Variants in CCDC177 observed in about 807,000 individuals in gnomAD.
The protein encoded by CCDC177 is coiled-coil domain containing 177, also known as coiled-coil domain-containing protein 177.
In CCDC177, 2 loss-of-function variants were observed where a neutral mutation model predicts 7.3. That is an observed-to-expected ratio of 0.28 (90% CI 0.11 to 0.87). The LOEUF (loss-of-function observed/expected upper bound fraction) is 0.87, where lower values mean the gene tolerates loss of function less well. CCDC177 is among the 40% of genes least tolerant of loss of function. The pLI, the probability that CCDC177 is intolerant of heterozygous loss-of-function variation, is 0.61. For synonymous variants in CCDC177, 401 were observed against 449.2 expected (o/e 0.89, Z 1.36); for missense variants, 874 against 970.5 (o/e 0.90, Z 1.32).
At position 69,569,963 on chromosome 14, in the gene CCDC177, T is replaced by C. The variant is rs1376731463; in HGVS notation, c.*1536A>G. ...TGAAGGCAGAGTCAATGGGTGGATATGGCCGTGGGGCAATTTCAGCTTAAT... is the reference window on the plus strand; with the variant it reads ...TGAAGGCAGAGTCAATGGGTGGATACGGCCGTGGGGCAATTTCAGCTTAAT... On this transcript the variant is annotated 3_prime_UTR_variant, in exon 2 of 2. Coordinates refer to ENST00000599174, the MANE Select transcript of CCDC177 (RefSeq NM_001271507.2). 6.6e-6 allele frequency: 1 copy of C among 152,158 alleles called. No homozygotes were observed. The highest frequency in any genetic ancestry group is 2.4e-5 in the African/African-American group (1 of 41,442). The allele number at this position is 152,158 out of a possible 1,614,324, so 9.4% of individuals were successfully genotyped here. A position where few individuals can be genotyped will look rare whatever the true frequency, so the allele number is the denominator to read the frequency against.
Position 69,573,654 on chromosome 14 carries a change from C to T in CCDC177, c.-28-4G>A. ...GCCCCGTCCTTTGTTGGAATCTCTG[C>T]AGATCACAAGGAGGGACATCGAGGA... On this transcript the variant is annotated splice_polypyrimidine_tract_variant and splice_region_variant and intron_variant, in intron 1 of 1. Transcript: ENST00000599174. 1.6e-6 allele frequency: 2 copies of T among 1,231,802 alleles called. No individual in the cohort carries two copies. The highest frequency in any genetic ancestry group is 2.0e-6 in the Non-Finnish European group (2 of 987,992). The allele number at this position is 1,231,802 out of a possible 1,614,324, so 76.3% of individuals were successfully genotyped here. A position where few individuals can be genotyped will look rare whatever the true frequency, so the allele number is the denominator to read the frequency against.
Position 69,573,401 on chromosome 14 carries a change from G to T in CCDC177, c.222C>A (p.Leu74=). ...GRREQSPLLH[L]DLFNFDCPEA... ...CTGGGCAGTCGAAGTTGAAGAGGTC[G>T]AGGTGCAGCAGCGGGGACTGCTCCC... The change falls in exon 2 of 2, where the codon CTC becomes CTA. Residue 74 remains leucine (L), a synonymous_variant. Transcript: ENST00000599174. 1 of 1,231,438 alleles carries T rather than the reference G, an allele frequency of 8.1e-7. No homozygotes were observed. The highest frequency in any genetic ancestry group is 1.0e-6 in the Non-Finnish European group (1 of 987,772). The allele number at this position is 1,231,438 out of a possible 1,614,324, so 76.3% of individuals were successfully genotyped here. A position where few individuals can be genotyped will look rare whatever the true frequency, so the allele number is the denominator to read the frequency against.
rs1300690767 is a variant in CCDC177 at position 69,572,315 on chromosome 14, G to A, written c.1308C>T (p.Gly436=). The change falls in exon 2 of 2, where the codon GGC becomes GGT. Residue 436 remains glycine, a synonymous_variant. Transcript: ENST00000599174. The part of the protein sequence containing the change: ...ERRRELAERQ[G]LLRRERAERA... ...GCTCCGCCCGCTCCCGCCGCAGGAGGCCCTGGCGTTCGGCCAGCTCCCGCC... is the reference window on the plus strand; with the variant it reads ...GCTCCGCCCGCTCCCGCCGCAGGAGACCCTGGCGTTCGGCCAGCTCCCGCC... The A allele has an allele frequency of 8.1e-7, 1 of 1,227,510 alleles. No individual in the cohort carries two copies. Among genetic ancestry groups the A allele is most frequent in the African/African-American group, 1.6e-5 (1 of 64,250 alleles). The allele number at this position is 1,227,510 out of a possible 1,614,324, so 76.0% of individuals were successfully genotyped here.
In CCDC177 at chr14:69,571,998, T is replaced by C; in HGVS notation, c.1625A>G (p.Gln542Arg). 2 of 1,231,588 alleles carry C rather than the reference T, an allele frequency of 1.6e-6. No individual in the cohort carries two copies. The highest frequency in any genetic ancestry group is 3.2e-5 in the East Asian group (1 of 31,662). The allele number at this position is 1,231,588 out of a possible 1,614,324, so 76.3% of individuals were successfully genotyped here. ...SSLEASLGRA[Q>R]ENYEHLVEQR... ...CTCCACCAAATGCTCGTAGTTCTCCTGCGCACGGCCCAAACTGGCTTCCAG... is the reference window on the plus strand; with the variant it reads ...CTCCACCAAATGCTCGTAGTTCTCCCGCGCACGGCCCAAACTGGCTTCCAG... The change falls in exon 2 of 2, where the codon CAG becomes CGG. Residue 542 changes from glutamine (Q) to arginine (R), a missense_variant. Physicochemically the swap from Gln to Arg is conservative, Grantham distance 43. Coordinates refer to ENST00000599174, the MANE Select transcript of CCDC177 (RefSeq NM_001271507.2).
chr14:69,574,446 T>A (rs934997299), intron 1 of CCDC177, 96 bp downstream of exon 1: 3 of 152,248 alleles, frequency 2.0e-5, no homozygotes, highest in African/African-American at 7.2e-5. Flanking sequence ...GCCCTCCGAG[T>A]TCCCCCACAG....
In CCDC177 at chr14:69,572,761, C is replaced by T. The variant is rs1884357858; in HGVS notation, c.862G>A (p.Gly288Ser). 6.5e-6 allele frequency: 8 copies of T among 1,231,556 alleles called. No individual in the cohort carries two copies. The East Asian group carries it at 2.5e-4, about 39-fold the overall frequency. The allele number at this position is 1,231,556 out of a possible 1,614,324, so 76.3% of individuals were successfully genotyped here. The change falls in exon 2 of 2, where the codon GGC becomes AGC. Residue 288 changes from glycine to serine, a missense_variant. Coordinates refer to ENST00000599174, the MANE Select transcript of CCDC177 (RefSeq NM_001271507.2). ...GSASSTTNAP[G>S]RPSALTLVPI... ...ACCAGGGTCAGGGCAGACGGGCGGC[C>T]CGGAGCGTTGGTGGTGGAGGACGCC...
In CCDC177 at chr14:69,570,619, C is replaced by T. The variant is rs973904790; in HGVS notation, c.*880G>A. On this transcript the variant is annotated 3_prime_UTR_variant, in exon 2 of 2. Transcript: ENST00000599174. ...TAGGCAGGAACAGCCTGGGCAGGCA[C>T]GTAAGGTAGCTCTGCTTCTTAAGGC... is the stretch of plus-strand genomic sequence containing the variant. 5.5e-6 allele frequency: 2 copies of T among 362,096 alleles called. No individual in the cohort carries two copies. The highest frequency in any genetic ancestry group is 7.3e-5 in the East Asian group (1 of 13,746). The allele number at this position is 362,096 out of a possible 1,614,324, so 22.4% of individuals were successfully genotyped here. A position where few individuals can be genotyped will look rare whatever the true frequency, so the allele number is the denominator to read the frequency against.
chr14:69,571,787 C>A lies in CCDC177; in HGVS notation c.1836G>T (p.Arg612=). 3.2e-6 allele frequency: 4 copies of A among 1,231,616 alleles called. No homozygotes were observed. The highest frequency in any genetic ancestry group is 2.0e-6 in the Non-Finnish European group (2 of 987,900). 76.3% of individuals were successfully genotyped at this position (1,231,616 alleles called of 1,614,324 possible). A position where few individuals can be genotyped will look rare whatever the true frequency, so the allele number is the denominator to read the frequency against. The change falls in exon 2 of 2, where the codon CGG becomes CGT. Residue 612 remains arginine, a synonymous_variant. Transcript: ENST00000599174. ...VAEEAVQQKA[R]RVGQSRLEKE... Reference sequence around the variant, plus strand: ...TCTCCAGCCGGCTCTGGCCCACGCGCCGCGCCTTCTGCTGCACTGCTTCCT... The same window carrying A: ...TCTCCAGCCGGCTCTGGCCCACGCGACGCGCCTTCTGCTGCACTGCTTCCT...
Position 69,573,361 on chromosome 14 carries a change from G to C in CCDC177, c.262C>G (p.Arg88Gly). The C allele has an allele frequency of 1.6e-6, 2 of 1,231,360 alleles. No homozygotes were observed. Among genetic ancestry groups the C allele is most frequent in the Non-Finnish European group, 2.0e-6 (2 of 987,704 alleles). 76.3% of individuals were successfully genotyped at this position (1,231,360 alleles called of 1,614,324 possible). The change falls in exon 2 of 2, where the codon CGC becomes GGC. Residue 88 changes from arginine (R) to glycine (G), a missense_variant. By Grantham distance (125) the Arg-to-Gly change is moderately radical. Transcript: ENST00000599174. ...NFDCPEAEGS[R>G]YVLTSPRSLE... The stretch of plus-strand genomic sequence containing the variant: ...GAGCGGGGGCTGGTCAGCACGTAGC[G>C]GCTGCCCTCCGCCTCTGGGCAGTCG...
Position 69,573,020 on chromosome 14 carries a change from C to A in CCDC177, c.603G>T (p.Ala201=), listed in dbSNP as rs1334766549. The A allele has an allele frequency of 1.1e-5, 13 of 1,229,196 alleles. No individual in the cohort carries two copies. Among genetic ancestry groups the A allele is most frequent in the Non-Finnish European group, 1.3e-5 (13 of 986,788 alleles). 76.1% of individuals were successfully genotyped at this position (1,229,196 alleles called of 1,614,324 possible). Reference sequence around the variant, plus strand: ...GGGAAGCCTTGCGGGCCGCACGCGGCGCGGGCGAGGCCGGGAGGCTGGCGC... The same window carrying A: ...GGGAAGCCTTGCGGGCCGCACGCGGAGCGGGCGAGGCCGGGAGGCTGGCGC... The part of the protein sequence containing the change: ...CSSASLPASP[A]PRAARKASPS... The change falls in exon 2 of 2, where the codon GCG becomes GCT. Residue 201 remains alanine, a synonymous_variant. Coordinates refer to ENST00000599174, the MANE Select transcript of CCDC177 (RefSeq NM_001271507.2).
In CCDC177 at chr14:69,572,867, C is replaced by A. The variant is rs1467749819; in HGVS notation, c.756G>T (p.Ser252=). The change falls in exon 2 of 2, where the codon TCG becomes TCT. Residue 252 remains serine, a synonymous_variant. Transcript: ENST00000599174. The part of the protein sequence containing the change: ...GALSSESGAS[S]SSYSGESLRE... ...TCAAGCTTTCCCCACTGTAGGATGA[C>A]GACGATGCGCCCGACTCGGAGCTGA... The A allele has an allele frequency of 1.6e-6, 2 of 1,230,956 alleles. No homozygotes were observed. The highest frequency in any genetic ancestry group is 4.1e-5 in the South Asian group (1 of 24,314). 76.3% of individuals were successfully genotyped at this position (1,230,956 alleles called of 1,614,324 possible).
Position 69,571,514 on chromosome 14 carries a change from G to A in CCDC177, c.2109C>T (p.Ser703=). Residue 703 remains serine (S), a synonymous_variant, in exon 2 of 2, where the codon AGC becomes AGT. Transcript: ENST00000599174. ...AGAGCCGCAGTTATTTGCGGTCCAG[G>A]CTGGCGTGTAGCTGGGCCTCCCGCA... ...RMVREAQLHA[S]LDRK 1 of 1,245,334 alleles carries A rather than the reference G, an allele frequency of 8.0e-7. No individual in the cohort carries two copies. The highest frequency in any genetic ancestry group is 1.0e-6 in the Non-Finnish European group (1 of 994,924). 77.1% of individuals were successfully genotyped at this position (1,245,334 alleles called of 1,614,324 possible).
In CCDC177 at chr14:69,571,666, G is replaced by A; in HGVS notation, c.1957C>T (p.Arg653Cys). ...LLQAIGRKLE[R>C]SEQLTRERRS... is the part of the protein sequence containing the mutation. ...CGTTCCCGCGTCAGCTGCTCGCTGC[G>A]CTCCAGCTTGCGCCCGATGGCCTGG... The change falls in exon 2 of 2, where the codon CGC (arginine) becomes TGC (cysteine). Residue 653 changes from arginine (R) to cysteine (C), a missense_variant. Arg to Cys is a radical substitution (Grantham distance 180). Transcript: ENST00000599174. 3 of 1,232,082 alleles carry A rather than the reference G, an allele frequency of 2.4e-6. No homozygotes were observed. The highest frequency in any genetic ancestry group is 2.0e-6 in the Non-Finnish European group (2 of 988,250). The allele number at this position is 1,232,082 out of a possible 1,614,324, so 76.3% of individuals were successfully genotyped here. A position where few individuals can be genotyped will look rare whatever the true frequency, so the allele number is the denominator to read the frequency against.
rs1297445011 is a variant in CCDC177, at chr14:69,572,591, G to T, written c.1032C>A (p.Leu344=). The T allele has an allele frequency of 8.1e-7, 1 of 1,231,108 alleles. No homozygotes were observed. Among genetic ancestry groups the T allele is most frequent in the African/African-American group, 1.6e-5 (1 of 64,406 alleles). The allele number at this position is 1,231,108 out of a possible 1,614,324, so 76.3% of individuals were successfully genotyped here. Residue 344 remains leucine (L), a synonymous_variant, in exon 2 of 2, where the codon CTC becomes CTA. Transcript: ENST00000599174. ...GCTCCTCCTGGTGCCGCGCCAGCAT[G>T]AGCGCCGCGATCTTCCGGTCACGCT... ...VPERDRKIAA[L]MLARHQEELL...
In CCDC177 at chr14:69,572,997, G is replaced by C; in HGVS notation, c.626C>G (p.Ser209Cys). Residue 209 changes from serine (S) to cysteine (C), a missense_variant, in exon 2 of 2, where the codon TCC becomes TGC. Ser to Cys is a moderately radical substitution (Grantham distance 112, BLOSUM62 -1). Coordinates refer to ENST00000599174, the MANE Select transcript of CCDC177 (RefSeq NM_001271507.2). Reference sequence around the variant, plus strand: ...GGTCCGGGCGGAGGAGGGACTAGGGGAAGCCTTGCGGGCCGCACGCGGCGC... The same window carrying C: ...GGTCCGGGCGGAGGAGGGACTAGGGCAAGCCTTGCGGGCCGCACGCGGCGC... The part of the protein sequence containing the change: ...SPAPRAARKA[S>C]PSPSSARTQP... The C allele has an allele frequency of 8.1e-7, 1 of 1,230,702 alleles. No individual in the cohort carries two copies. Among genetic ancestry groups the C allele is most frequent in the African/African-American group, 1.6e-5 (1 of 64,446 alleles). The allele number at this position is 1,230,702 out of a possible 1,614,324, so 76.2% of individuals were successfully genotyped here.
Position 69,570,998 on chromosome 14 carries a change from T to C in CCDC177, c.*501A>G. The C allele has an allele frequency of 2.2e-6, 1 of 460,620 alleles. No homozygotes were observed. Among genetic ancestry groups the C allele is most frequent in the Non-Finnish European group, 4.4e-6 (1 of 229,028 alleles). The allele number at this position is 460,620 out of a possible 1,614,324, so 28.5% of individuals were successfully genotyped here. A position where few individuals can be genotyped will look rare whatever the true frequency, so the allele number is the denominator to read the frequency against. On this transcript the variant is annotated 3_prime_UTR_variant, in exon 2 of 2. Coordinates refer to ENST00000599174, the MANE Select transcript of CCDC177 (RefSeq NM_001271507.2). ...TGACACCTTGGAGGAGCTGTGTTTCTCTGGGAGGCCTCCGCGATTTGTGCA... is the reference window on the plus strand; with the variant it reads ...TGACACCTTGGAGGAGCTGTGTTTCCCTGGGAGGCCTCCGCGATTTGTGCA...
In CCDC177 at chr14:69,572,107, G is replaced by A. The variant is rs1009416803; in HGVS notation, c.1516C>T (p.Arg506Trp). The A allele has an allele frequency of 9.5e-5, 117 of 1,231,128 alleles. No homozygotes were observed. In the East Asian group the frequency reaches 3.5e-3, roughly 37 times the overall value. 76.3% of individuals were successfully genotyped at this position (1,231,128 alleles called of 1,614,324 possible). Residue 506 changes from arginine to tryptophan, a missense_variant, in exon 2 of 2, where the codon CGG (arginine) becomes TGG (tryptophan). Physicochemically the swap from Arg to Trp is moderately radical, Grantham distance 101. Coordinates refer to ENST00000599174, the MANE Select transcript of CCDC177 (RefSeq NM_001271507.2). ...QLQREKRELS[R>W]AERARHEALL... ...GCCTCGTGGCGCGCCCGCTCGGCCC[G>A]GCTCAGCTCCCGCTTCTCCCGCTGC...
At position 69,571,978 on chromosome 14, in the gene CCDC177, C is replaced by T. The variant is rs902622490; in HGVS notation, c.1645G>A (p.Val549Met). Residue 549 changes from valine (V) to methionine (M), a missense_variant, in exon 2 of 2, where the codon GTG becomes ATG. Physicochemically the swap from Val to Met is conservative, Grantham distance 21. Transcript: ENST00000599174. ...GRAQENYEHLVEQRTRELRER... is the reference protein window; with the variant it reads ...GRAQENYEHLMEQRTRELRER... ...CGCAGCTCCCGGGTGCGCTGCTCCA[C>T]CAAATGCTCGTAGTTCTCCTGCGCA... The T allele has an allele frequency of 2.4e-6, 3 of 1,231,666 alleles. No homozygotes were observed. In the African/African-American group the frequency reaches 4.7e-5, roughly 19 times the overall value. The allele number at this position is 1,231,666 out of a possible 1,614,324, so 76.3% of individuals were successfully genotyped here. A position where few individuals can be genotyped will look rare whatever the true frequency, so the allele number is the denominator to read the frequency against.
chr14:69,574,531 G>T lies in CCDC177; in HGVS notation c.-29+11C>A, dbSNP rs923469095. The T allele has an allele frequency of 7.2e-5, 11 of 152,434 alleles. No homozygotes were observed. Among genetic ancestry groups the T allele is most frequent in the African/African-American group, 2.2e-4 (9 of 41,586 alleles). The allele number at this position is 152,434 out of a possible 1,614,324, so 9.4% of individuals were successfully genotyped here. On this transcript the variant is annotated intron_variant, in intron 1 of 1. Transcript: ENST00000599174. ...TCCCGCAGCTCCCGGTACCCGAGCC[G>T]GTTTACTCACCCCGCGTCCTGGGCT...
Sources: gnomAD v4.1 joint callset for allele counts on GRCh38, gnomAD v4.1.1 for gene constraint, MANE v1.5 for transcripts, NCBI Gene and HGNC (gene_info 2026-07-23, HGNC 2026-07-21) for gene names.